Variants in C6orf58 observed in about 807,000 individuals in gnomAD.
C6orf58 encodes protein LEG1 homolog.
C6orf58 carries 30 observed loss-of-function variants against 37.0 expected under a neutral mutation model. The ratio of observed to expected loss-of-function variants is 0.81; its 90% CI spans 0.61 to 1.10. The LOEUF (loss-of-function observed/expected upper bound fraction) is 1.10, where lower values mean the gene tolerates loss of function less well. Among genes scored for constraint, C6orf58 ranks in the 50% least tolerant of loss-of-function variants. C6orf58 has a pLI of 0.00. For synonymous variants in C6orf58, 143 were observed against 134.1 expected, an observed-to-expected ratio of 1.07 and a Z score of -0.46; for missense variants, 368 against 387.5, an observed-to-expected ratio of 0.95 and a Z score of 0.42.
intron 4 of C6orf58, among the ~76,000 whole-genome samples, chr6:127,588,728 C>T (rs1371390459): frequency 1.3e-5 from 2 of 152,122 alleles, no homozygotes; most frequent in Non-Finnish European, 2.9e-5. Context: ...CTTCACTGCT[C>T]TTGTGATTTC....
At chr6:127,584,693 G>C (rs1775088968) in intron 4 of C6orf58, among the ~76,000 whole-genome samples, 1 of 151,360 alleles carries the variant, frequency 6.6e-6, no homozygotes, top group Non-Finnish European at 1.5e-5. Context: ...AGAATTGCTT[G>C]AACCCGGGAG....
chr6:127,583,892 C>T (rs1583129331), intron 4 of C6orf58, among the ~76,000 whole-genome samples: 1 of 152,162 alleles, frequency 6.6e-6, no homozygotes, highest in South Asian at 2.1e-4. Flanking sequence ...GAGACATAGT[C>T]CTTCCAAAAA....
intron 4 of C6orf58, among the ~76,000 whole-genome samples, chr6:127,585,491 G>C (rs1191619399): frequency 1.3e-5 from 2 of 152,282 alleles, no homozygotes; most frequent in Admixed American, 1.3e-4. Context: ...ATCTTTTATA[G>C]AGAGGACTCA....
intron 1 of C6orf58, among the ~76,000 whole-genome samples, chr6:127,578,403 T>C (rs1470230189): frequency 6.6e-6 from 1 of 151,998 alleles, no homozygotes; most frequent in African/African-American, 2.4e-5. Context: ...CTTCATAGTT[T>C]CGATTAGAAG....
intron 4 of C6orf58, among the ~76,000 whole-genome samples, chr6:127,582,211 C>T (rs1775057336): frequency 6.6e-6 from 1 of 152,042 alleles, no homozygotes; most frequent in Admixed American, 6.6e-5. Context: ...TTTAATGAGA[C>T]CATTTGACAT....
At chr6:127,579,974 G>GA (rs1483287474) in intron 2 of C6orf58, among the ~76,000 whole-genome samples, 1 of 151,736 alleles carries the variant, frequency 6.6e-6, no homozygotes, top group Non-Finnish European at 1.5e-5. Context: ...TTAATGCTTT[G>GA]AAAAAATGAA....
chr6:127,589,019 G>A (rs896317543), intron 4 of C6orf58, among the ~76,000 whole-genome samples: 3 of 152,092 alleles, frequency 2.0e-5, no homozygotes, highest in Admixed American at 6.5e-5. Flanking sequence ...CAGATAACAG[G>A]TATTATCTGG....
chr6:127,583,223 A>G (rs1775068685), intron 4 of C6orf58, among the ~76,000 whole-genome samples: 1 of 152,196 alleles, frequency 6.6e-6, no homozygotes, highest in South Asian at 2.1e-4. Context: ...AAAGAACTAG[A>G]TATTGCACAT....
chr6:127,582,254 T>C (rs896915364), intron 4 of C6orf58, among the ~76,000 whole-genome samples: 2 of 152,158 alleles, frequency 1.3e-5, no homozygotes, highest in Non-Finnish European at 2.9e-5. Context: ...GATTTAAGAC[T>C]CTGGGGAGGT....
At position 127,580,308 on chromosome 6, in the gene C6orf58, T is replaced by C. The variant is rs773573467; in HGVS notation, c.432T>C (p.Val144=). The C allele has an allele frequency of 6.2e-7, 1 of 1,613,008 alleles. No homozygotes were observed. The highest frequency in any genetic ancestry group is 1.7e-5 in the Admixed American group (1 of 59,926). ...FLSSLPFLAA[V]DSGVMGISSD... ...CTTCATTACCCTTTCTTGCTGCGGT[T>C]GATTCTGGTGTAATGGGGATATCAT... is the stretch of plus-strand genomic sequence containing the variant. Residue 144 remains valine, a synonymous_variant, in exon 3 of 6, where the codon GTT becomes GTC. Coordinates refer to ENST00000329722, the MANE Select transcript of C6orf58 (RefSeq NM_001010905.3).
At position 127,590,145 on chromosome 6, in the gene C6orf58, G is replaced by C. The variant is rs763172302; in HGVS notation, c.733G>C (p.Asp245His). 6.2e-7 allele frequency: 1 copy of C among 1,613,682 alleles called. No individual in the cohort carries two copies. Among genetic ancestry groups the C allele is most frequent in the Admixed American group, 1.7e-5 (1 of 59,998 alleles). Residue 245 changes from aspartate (D) to histidine (H), a missense_variant, in exon 5 of 6, where the codon GAT becomes CAT. Asp to His is a moderately conservative substitution (Grantham distance 81). Transcript: ENST00000329722. ...HFERSWVLAVDHLAAVLFPTT... is the reference protein window; with the variant it reads ...HFERSWVLAVHHLAAVLFPTT... Reference sequence around the variant, plus strand: ...TGAGAGAAGTTGGGTACTGGCTGTGGATCATTTAGCTGCAGTCCTCTTTCC... The same window carrying C: ...TGAGAGAAGTTGGGTACTGGCTGTGCATCATTTAGCTGCAGTCCTCTTTCC...
At chr6:127,590,392 A>C in intron 5 of C6orf58, 67 bp downstream of exon 5, 1 of 984,148 alleles carries the variant, frequency 1.0e-6, no homozygotes, top group South Asian at 1.5e-5. Context: ...AAGAAATAAT[A>C]ATTAAATCAG....
At chr6:127,590,395 T>C in intron 5 of C6orf58, 70 bp downstream of exon 5, 1 of 950,016 alleles carries the variant, frequency 1.1e-6, no homozygotes, top group Non-Finnish European at 1.6e-6. Context: ...AAATAATAAT[T>C]AAATCAGTGA....
At chr6:127,586,467 T>C (rs774602743) in intron 4 of C6orf58, among the ~76,000 whole-genome samples, 9 of 152,188 alleles carry the variant, frequency 5.9e-5, no homozygotes, top group Non-Finnish European at 1.3e-4. Flanking sequence ...AAATTCCCTG[T>C]GGCTCCACCC....
rs145110502 is a variant in C6orf58 at position 127,579,095 on chromosome 6, C to T, written c.388+323C>T. On this transcript the variant is annotated intron_variant, in intron 2 of 5. Coordinates refer to ENST00000329722, the MANE Select transcript of C6orf58 (RefSeq NM_001010905.3). ...GACAAAGAATCTCCAGAATAAGGAA[C>T]GATGAGAAGTGAGACATCAAGACAA... is the stretch of plus-strand genomic sequence containing the variant. 2.7e-3 allele frequency among the ~76,000 whole-genome samples: 410 copies of T among 152,122 alleles called. 1 individual carries two copies. The highest frequency in any genetic ancestry group is 8.4e-3 in the African/African-American group (349 of 41,504).
At position 127,587,352 on chromosome 6, in the gene C6orf58, G is replaced by A. The variant is rs528873796; in HGVS notation, c.675-2735G>A. ...GTGTTATGGATAAATTTATATATAG[G>A]TGCACTATTAAGAAAGCTAAAAATA... On this transcript the variant is annotated intron_variant, in intron 4 of 5. Coordinates refer to ENST00000329722, the MANE Select transcript of C6orf58 (RefSeq NM_001010905.3). 1.1e-4 allele frequency among the ~76,000 whole-genome samples: 17 copies of A among 152,154 alleles called. 1 individual carries two copies. The East Asian group carries it at 3.1e-3, about 28-fold the overall frequency.
chr6:127,588,172 G>T (rs1362609126), intron 4 of C6orf58, among the ~76,000 whole-genome samples: 1 of 152,208 alleles, frequency 6.6e-6, no homozygotes, highest in Non-Finnish European at 1.5e-5. Flanking sequence ...CATCAGACAA[G>T]CCTGGTTGTT....
In C6orf58 at chr6:127,591,706, T is replaced by G. The variant is rs2114303673; in HGVS notation, c.*84T>G. On this transcript the variant is annotated 3_prime_UTR_variant, in exon 6 of 6. Transcript: ENST00000329722. ...TTGACAATCAGTAATTTCAAAAAAT[T>G]AATGTCATCATGACCATGTAGTTTA... 1 of 1,213,218 alleles carries G rather than the reference T, an allele frequency of 8.2e-7. No individual in the cohort carries two copies. Among genetic ancestry groups the G allele is most frequent in the East Asian group, 3.0e-5 (1 of 33,764 alleles). The allele number at this position is 1,213,218 out of a possible 1,614,324, so 75.2% of individuals were successfully genotyped here. A position where few individuals can be genotyped will look rare whatever the true frequency, so the allele number is the denominator to read the frequency against.
chr6:127,591,642 C>A lies in C6orf58; in HGVS notation c.*20C>A. 1 of 1,478,366 alleles carries A rather than the reference C, an allele frequency of 6.8e-7. No homozygotes were observed. Among genetic ancestry groups the A allele is most frequent in the Non-Finnish European group, 8.9e-7 (1 of 1,118,124 alleles). 91.6% of individuals were successfully genotyped at this position (1,478,366 alleles called of 1,614,324 possible). The stretch of plus-strand genomic sequence containing the variant: ...TCCTGAAACATTTAACTTCAAACTT[C>A]AGGAAATGATTAATGAATTAAAAAT... On this transcript the variant is annotated 3_prime_UTR_variant, in exon 6 of 6. Transcript: ENST00000329722.
Sources: allele counts gnomAD v4.1 joint callset (sites outside exome capture counted in the v4.1 genomes callset), GRCh38; gene constraint gnomAD v4.1.1; transcripts MANE v1.5; gene names NCBI Gene and HGNC (gene_info 2026-07-23, HGNC 2026-07-21).